The following NF2 variants were observed in gnomAD, a reference collection of about 807,000 sequenced individuals.
NF2 encodes the protein merlin.
NF2 carries 8 observed loss-of-function variants against 83.7 expected under a neutral mutation model. The observed-to-expected ratio is 0.10, with a 90% confidence interval of 0.06 to 0.17. The LOEUF (loss-of-function observed/expected upper bound fraction) is 0.17, where lower values mean the gene tolerates loss of function less well. NF2 is among the 10% of genes least tolerant of loss of function. The pLI is 1.00. For missense variants in NF2, 533 were observed against 744.4 expected, an observed-to-expected ratio of 0.72 and a Z score of 3.31; for synonymous variants, 266 against 269.6, an observed-to-expected ratio of 0.99 and a Z score of 0.13.
chr22:29,694,590 C>T lies in NF2; in HGVS notation c.1738-162C>T, dbSNP rs561040056. On this transcript the variant is annotated intron_variant, in intron 15 of 15. Transcript: ENST00000338641. This position sits in a 1 kb window ranked among gnomAD's most constrained non-coding sequence, Gnocchi z 4.1. The stretch of plus-strand genomic sequence containing the variant: ...AATTTGAATTATTGGGCAAATCTGG[C>T]CGCTTATTTGGGACTGACAGCCAAC... Among the ~76,000 whole-genome samples, 1 of 152,334 alleles carries T rather than the reference C, an allele frequency of 6.6e-6. No individual in the cohort carries two copies. The highest frequency in any genetic ancestry group is 2.4e-5 in the African/African-American group (1 of 41,562).
rs769222192 is a variant in NF2, at chr22:29,678,177, C to T, written c.1447-19C>T. On this transcript the variant is annotated intron_variant, in intron 13 of 15. Coordinates refer to ENST00000338641, the MANE Select transcript of NF2 (RefSeq NM_000268.4). ...GCTTGTATGACCCAAGCTCCTAATC[C>T]GAAATTTCTCATTAACAGCCCATGA... The T allele has an allele frequency of 1.1e-5, 18 of 1,613,364 alleles. No individual in the cohort carries two copies. Among genetic ancestry groups the T allele is most frequent in the Middle Eastern group, 1.6e-4 (1 of 6,082 alleles).
chr22:29,661,071 A>C, intron 7 of NF2, 134 bp from the exon 8 acceptor site: 4 of 1,296,046 alleles, frequency 3.1e-6, no homozygotes, highest in Non-Finnish European at 4.4e-6. Flanking sequence ...TTGGTTTATA[A>C]GACAGCTGTG....
chr22:29,671,716 G>T, intron 10 of NF2, 110 bp from the exon 11 acceptor site: 1 of 1,512,378 alleles, frequency 6.6e-7, no homozygotes, highest in Non-Finnish European at 9.1e-7. Flanking sequence ...GGAAAGGGAA[G>T]GAAAAAGGTC....
chr22:29,677,406 T>G (rs1164231783), intron 13 of NF2, among the ~76,000 whole-genome samples: 1 of 151,572 alleles, frequency 6.6e-6, no homozygotes, highest in Non-Finnish European at 1.5e-5. Flanking sequence ...TAATAAACAA[T>G]ACTGTCTGTG....
rs1304268412 is a variant in NF2, at chr22:29,696,718, T to C, written c.*1916T>C. 4.1e-5 allele frequency: 9 copies of C among 221,700 alleles called. No homozygotes were observed. Among genetic ancestry groups the C allele is most frequent in the Non-Finnish European group, 8.1e-5 (9 of 111,020 alleles). 13.7% of individuals were successfully genotyped at this position (221,700 alleles called of 1,614,324 possible). On this transcript the variant is annotated 3_prime_UTR_variant, in exon 16 of 16. Coordinates refer to ENST00000338641, the MANE Select transcript of NF2 (RefSeq NM_000268.4). ...AGCGTAAGTATGGATGTTGTGGCCC[T>C]GTGTCTTCCTAGTGTGACCCAGCCA...
chr22:29,639,308 G>A (rs2065737350), intron 3 of NF2, 96 bp downstream of exon 3: 2 of 1,466,748 alleles, frequency 1.4e-6, no homozygotes, highest in Non-Finnish European at 1.9e-6. Context: ...CCTTTGTATT[G>A]CAAAAATATT....
rs2147169064 is a variant in NF2, at chr22:29,694,083, TAC to T, written c.1738-667_1738-666del. Among the ~76,000 whole-genome samples, 1 of 152,304 alleles carries T rather than the reference TAC, an allele frequency of 6.6e-6. No homozygotes were observed. Among genetic ancestry groups the T allele is most frequent in the African/African-American group, 2.4e-5 (1 of 41,570 alleles). On this transcript the variant is annotated intron_variant, in intron 15 of 15. Coordinates refer to ENST00000338641, the MANE Select transcript of NF2 (RefSeq NM_000268.4). This position sits in a 1 kb window ranked among gnomAD's most constrained non-coding sequence, Gnocchi z 4.1. ...CCACATCTCCCTGACTGTCCTTCTT[TAC>T]ATTTGCTGGGCAGAGTGCCACCTGT... is the stretch of plus-strand genomic sequence containing the variant.
At chr22:29,622,953 CTTTTTT>C (rs779748755) in intron 1 of NF2, among the ~76,000 whole-genome samples, 1 of 94,736 alleles carries the variant, frequency 1.1e-5, no homozygotes, top group African/African-American at 4.8e-5. Flanking sequence ...CGTGCCCGGC[CTTTTTT>C]TTTTTTTTTT....
At chr22:29,645,764 A>G (rs557405522) in intron 4 of NF2, among the ~76,000 whole-genome samples, 3 of 152,294 alleles carry the variant, frequency 2.0e-5, no homozygotes, top group Admixed American at 6.5e-5. Flanking sequence ...GAAAAAAATT[A>G]CTTTTCAGTG....
chr22:29,639,259 G>T, intron 3 of NF2, 47 bp downstream of exon 3: 2 of 1,612,796 alleles, frequency 1.2e-6, no homozygotes, highest in Non-Finnish European at 1.7e-6. Context: ...ACTTGCCCAG[G>T]AGTGGTTGCA....
intron 1 of NF2, among the ~76,000 whole-genome samples, chr22:29,606,484 C>T (rs775886876): frequency 1.1e-4 from 16 of 152,220 alleles, no homozygotes; most frequent in Non-Finnish European, 2.1e-4. Context: ...GCTCCAGAGC[C>T]TTGGCTCCGG....
At chr22:29,669,880 G>A (rs1429545350) in intron 10 of NF2, among the ~76,000 whole-genome samples, 1 of 152,180 alleles carries the variant, frequency 6.6e-6, no homozygotes, top group Non-Finnish European at 1.5e-5. Flanking sequence ...CTCAGATGAA[G>A]GGACGTATAT....
intron 1 of NF2, among the ~76,000 whole-genome samples, chr22:29,626,374 G>A (rs760487798): frequency 1.3e-5 from 2 of 151,698 alleles, no homozygotes; most frequent in African/African-American, 4.8e-5. Context: ...GGATGGTCTC[G>A]ATCTCTTGAT....
At chr22:29,684,358 A>G (rs566104545) in intron 15 of NF2, among the ~76,000 whole-genome samples, 1 of 151,596 alleles carries the variant, frequency 6.6e-6, no homozygotes, top group South Asian at 2.1e-4. Context: ...AGCCAGGTGG[A>G]CCCACCTTGG....
At chr22:29,607,133 C>T (rs993021769) in intron 1 of NF2, among the ~76,000 whole-genome samples, 4 of 152,076 alleles carry the variant, frequency 2.6e-5, no homozygotes, top group African/African-American at 7.2e-5. Context: ...ATTAATGTAT[C>T]GAAATACTAC....
intron 1 of NF2, among the ~76,000 whole-genome samples, chr22:29,605,385 G>A (rs1465978256): frequency 6.6e-6 from 1 of 152,066 alleles, no homozygotes; most frequent in African/African-American, 2.4e-5. Context: ...GGCTGATCTC[G>A]AACTCCTGAC....
intron 13 of NF2, 88 bp from the exon 14 acceptor site, chr22:29,678,108 T>C: frequency 6.3e-7 from 1 of 1,584,340 alleles, no homozygotes; most frequent in Non-Finnish European, 8.7e-7. Flanking sequence ...ATTGCCTCTG[T>C]GGCTGCTGGA....
At chr22:29,671,713 G>C in intron 10 of NF2, 113 bp from the exon 11 acceptor site, 1 of 1,482,996 alleles carries the variant, frequency 6.7e-7, no homozygotes, top group Non-Finnish European at 9.3e-7. Context: ...AAAGGAAAGG[G>C]AAGGAAAAAG....
At chr22:29,637,629 T>C (rs2065682339) in intron 2 of NF2, among the ~76,000 whole-genome samples, 1 of 152,000 alleles carries the variant, frequency 6.6e-6, no homozygotes, top group African/African-American at 2.4e-5. Flanking sequence ...GTCTAATTCT[T>C]ACCCCAAATG....
Sources: gnomAD v4.1 joint callset for allele counts (sites outside exome capture counted in the v4.1 genomes callset) on GRCh38, gnomAD v4.1.1 for gene constraint, Gnocchi (gnomAD v3.1) non-coding constraint, MANE v1.5 for transcripts, NCBI Gene and HGNC (gene_info 2026-07-23, HGNC 2026-07-21) for gene names.